The following CDH2 variants were observed in gnomAD, a reference collection of about 807,000 sequenced individuals.
The protein encoded by CDH2 is cadherin-2.
CDH2 carries 17 observed loss-of-function variants against 92.0 expected under a neutral mutation model. The observed-to-expected ratio is 0.18, with a 90% CI of 0.13 to 0.28. CDH2 has a LOEUF of 0.28. Ranked by LOEUF, CDH2 falls within the 10% of genes least tolerant of loss-of-function variation. The pLI is 1.00. For missense variants in CDH2, 862 were observed against 1,133.1 expected (o/e 0.76, Z 3.44); for synonymous variants, 419 against 415.9 (o/e 1.01, Z -0.09).
chr18:27,941,237 G>A (rs983288081), intron 6 of CDH2, among the ~76,000 whole-genome samples: 18 of 151,884 alleles, frequency 1.2e-4, no homozygotes, highest in Admixed American at 5.9e-4. Context: ...GGGTTTCACC[G>A]TGTTAGCCAG....
chr18:27,962,087 G>A (rs1264695575), intron 15 of CDH2, among the ~76,000 whole-genome samples: 1 of 152,144 alleles, frequency 6.6e-6, no homozygotes, highest in Non-Finnish European at 1.5e-5. Context: ...AAAATCATCA[G>A]GCACTCTTAC....
At chr18:28,157,750 A>G (rs535301077) in intron 1 of CDH2, among the ~76,000 whole-genome samples, 2 of 152,326 alleles carry the variant, frequency 1.3e-5, no homozygotes, top group East Asian at 3.9e-4. Flanking sequence ...ATATGCTAAT[A>G]AAACAATTTC....
chr18:27,975,511 C>T lies in CDH2; in HGVS notation c.2349+7433G>A, dbSNP rs186647520. The stretch of plus-strand genomic sequence containing the variant: ...CAGGTGAGTGAGCACGGGAACCAGC[C>T]GGCCACTTTGGCACTGGCAGAAGCA... On this transcript the variant is annotated intron_variant, in intron 14 of 15. Coordinates refer to ENST00000269141, the MANE Select transcript of CDH2 (RefSeq NM_001792.5). 5.4e-4 allele frequency among the ~76,000 whole-genome samples: 83 copies of T among 152,320 alleles called. 1 individual carries two copies. The highest frequency in any genetic ancestry group is 1.3e-4 in the Non-Finnish European group (9 of 68,032).
chr18:27,958,061 G>A (rs768471047), intron 15 of CDH2, among the ~76,000 whole-genome samples: 14 of 152,076 alleles, frequency 9.2e-5, no homozygotes, highest in South Asian at 2.1e-4. Context: ...AGATAATCTC[G>A]TTTAGTTCTC....
intron 2 of CDH2, among the ~76,000 whole-genome samples, chr18:28,118,148 A>G (rs1055809237): frequency 6.6e-6 from 1 of 152,038 alleles, no homozygotes; most frequent in Non-Finnish European, 1.5e-5. Flanking sequence ...TCCATACAAT[A>G]AAACCGAATC....
Position 28,007,171 on chromosome 18 carries a change from T to A in CDH2, c.703-1178A>T, listed in dbSNP as rs1372543590. Among the ~76,000 whole-genome samples, 544 of 123,856 alleles carry A rather than the reference T, an allele frequency of 4.4e-3. 20 individuals are homozygous for A. The highest frequency in any genetic ancestry group is 0.017 in the African/African-American group (514 of 31,020). The allele number at this position is 123,856 out of a possible 152,430, so 81.3% of individuals were successfully genotyped here. A position where few individuals can be genotyped will look rare whatever the true frequency, so the allele number is the denominator to read the frequency against. ...TGAGACTCCATAAAAAAAAAATATA[T>A]ATATATATATATATATATATATACG... is the stretch of plus-strand genomic sequence containing the variant. On this transcript the variant is annotated intron_variant, in intron 5 of 15. Transcript: ENST00000269141.
At chr18:28,009,675 G>A (rs201792869) in intron 5 of CDH2, 42 bp downstream of exon 5, 125 of 1,589,974 alleles carry the variant, frequency 7.9e-5, no homozygotes, top group Non-Finnish European at 1.0e-4. Context: ...CAGACATTTA[G>A]AACTGTTAAT....
intron 2 of CDH2, among the ~76,000 whole-genome samples, chr18:28,100,231 G>T (rs1046397515): frequency 6.6e-6 from 1 of 152,194 alleles, no homozygotes; most frequent in African/African-American, 2.4e-5. Flanking sequence ...AAAACAGATT[G>T]CTCTCTTTAA....
In CDH2 at chr18:28,142,539, T is replaced by G. The variant is rs17494982; in HGVS notation, c.172+5134A>C. 7.5e-3 allele frequency among the ~76,000 whole-genome samples: 1,132 copies of G among 151,578 alleles called. 12 individuals carry two copies. The highest frequency in any genetic ancestry group is 0.025 in the African/African-American group (1,040 of 41,330). On this transcript the variant is annotated intron_variant, in intron 2 of 15. Coordinates refer to ENST00000269141, the MANE Select transcript of CDH2 (RefSeq NM_001792.5). ...AAAGTTCTTGGTTCTTTTATTGATC[T>G]TATCATATATTCAATTATTTTTTAA... is the stretch of plus-strand genomic sequence containing the variant.
intron 2 of CDH2, among the ~76,000 whole-genome samples, chr18:28,064,102 T>C (rs1194121455): frequency 6.7e-6 from 1 of 148,682 alleles, no homozygotes; most frequent in African/African-American, 2.5e-5. Context: ...GAGAAACATC[T>C]GGAAATCTCT....
rs866519718 is a variant in CDH2 at position 28,170,424 on chromosome 18, C to A, written c.60+6539G>T. ...GCAGTGGCATGATCTCGGCTCACTG[C>A]AACCTCCGCCTCCCGGGTTCAAGTG... On this transcript the variant is annotated intron_variant, in intron 1 of 15. Transcript: ENST00000269141. 2.0e-5 allele frequency among the ~76,000 whole-genome samples: 3 copies of A among 152,298 alleles called. No homozygotes were observed. In the South Asian group the frequency reaches 6.2e-4, roughly 32 times the overall value.
chr18:28,007,590 G>C (rs367928322), intron 5 of CDH2, among the ~76,000 whole-genome samples: 2 of 151,668 alleles, frequency 1.3e-5, no homozygotes, highest in Non-Finnish European at 2.9e-5. Context: ...TTTTCCCTTG[G>C]CTTATTTAAT....
At position 27,963,657 on chromosome 18, in the gene CDH2, G is replaced by A. The variant is rs2011466895; in HGVS notation, c.2350-136C>T. On this transcript the variant is annotated intron_variant, in intron 14 of 15. Transcript: ENST00000269141. ...CATAATGGAAAAGTTGCCACTATGA[G>A]TTTTTCATGTTATGATTAAATATTT... The A allele has an allele frequency of 4.6e-6, 3 of 652,516 alleles. No individual in the cohort carries two copies. In the Admixed American group the frequency reaches 8.5e-5, roughly 18 times the overall value. The allele number at this position is 652,516 out of a possible 1,614,324, so 40.4% of individuals were successfully genotyped here.
In CDH2 at chr18:28,006,771, C is replaced by A. The variant is rs1244115413; in HGVS notation, c.703-778G>T. Among the ~76,000 whole-genome samples the A allele has an allele frequency of 2.0e-5, 3 of 148,606 alleles. No homozygotes were observed. In the East Asian group the frequency reaches 6.0e-4, roughly 30 times the overall value. On this transcript the variant is annotated intron_variant, in intron 5 of 15. Transcript: ENST00000269141. Reference sequence around the variant, plus strand: ...AGTAGCACAAAGTAGTGATAGAGATCAAGGCAACAGAAAATAATCTAGAAA... The same window carrying A: ...AGTAGCACAAAGTAGTGATAGAGATAAAGGCAACAGAAAATAATCTAGAAA...
intron 15 of CDH2, among the ~76,000 whole-genome samples, chr18:27,955,382 A>G (rs796836514): frequency 4.5e-5 from 4 of 88,074 alleles, no homozygotes; most frequent in Non-Finnish European, 8.5e-5. Context: ...AAAAAAAAAA[A>G]AAAGAAAAAG....
intron 2 of CDH2, among the ~76,000 whole-genome samples, chr18:28,117,961 C>T (rs1417478771): frequency 6.6e-6 from 1 of 152,082 alleles, no homozygotes. Flanking sequence ...TATATCAGAA[C>T]TTAAGGGCTT....
Position 28,177,089 on chromosome 18 carries a change from G to A in CDH2, c.-67C>T, listed in dbSNP as rs1321949769. ...GGCGGCGGCGGCGGCGGCGGAGGAG[G>A]AGGAGGCAGCGGCAGCACCAACAGC... On this transcript the variant is annotated 5_prime_UTR_variant, in exon 1 of 16. Coordinates refer to ENST00000269141, the MANE Select transcript of CDH2 (RefSeq NM_001792.5). 8.7e-6 allele frequency: 11 copies of A among 1,269,330 alleles called. No individual in the cohort carries two copies. Among genetic ancestry groups the A allele is most frequent in the South Asian group, 5.4e-5 (4 of 73,558 alleles). 78.6% of individuals were successfully genotyped at this position (1,269,330 alleles called of 1,614,324 possible).
rs377098335 is a variant in CDH2, at chr18:28,140,921, T to C, written c.172+6752A>G. On this transcript the variant is annotated intron_variant, in intron 2 of 15. Transcript: ENST00000269141. ...ATATATATATATATACCTATATATATATATAGGTATGAAATATCGTTAGTC... is the reference window on the plus strand; with the variant it reads ...ATATATATATATATACCTATATATACATATAGGTATGAAATATCGTTAGTC... 8.6e-5 allele frequency among the ~76,000 whole-genome samples: 13 copies of C among 150,720 alleles called. No individual in the cohort carries two copies. The East Asian group carries it at 1.4e-3, about 16-fold the overall frequency.
chr18:28,013,793 A>G lies in CDH2; in HGVS notation c.289T>C (p.Ser97Pro). The part of the protein sequence containing the change: ...VYAVRSFPLS[S>P]EHAKFLIYAQ... ...TATATCAGGAACTTGGCATGCTCAGAAGAGAGTGGAAAGCTTCTCACGGCA... is the reference window on the plus strand; with the variant it reads ...TATATCAGGAACTTGGCATGCTCAGGAGAGAGTGGAAAGCTTCTCACGGCA... Residue 97 changes from serine (S) to proline (P), a missense_variant, in exon 3 of 16, where the codon TCT becomes CCT. Ser to Pro is a moderately conservative substitution (Grantham distance 74). Around this residue, in one of 5 missense-constraint regions of CDH2, gnomAD observed 159 missense variants for 177.2 expected, o/e 0.90. Transcript: ENST00000269141. 6.2e-7 allele frequency: 1 copy of G among 1,614,052 alleles called. No homozygotes were observed. The highest frequency in any genetic ancestry group is 8.5e-7 in the Non-Finnish European group (1 of 1,179,962).
Sources: allele counts gnomAD v4.1 joint callset (sites outside exome capture counted in the v4.1 genomes callset), GRCh38; gene constraint gnomAD v4.1.1; regional missense constraint gnomAD v4.1.1; transcripts MANE v1.5; gene names NCBI Gene and HGNC (gene_info 2026-07-23, HGNC 2026-07-21).